CYP2C18: variants seen among roughly 807,000 people sequenced by gnomAD.
The protein encoded by CYP2C18 is cytochrome P450 2C18.
Under a neutral mutation model 41.3 loss-of-function variants are expected in CYP2C18, and 38 were observed. The observed-to-expected ratio is 0.92, with a 90% CI of 0.71 to 1.21. The LOEUF is 1.21. Ranked by LOEUF, CYP2C18 falls within the 50% of genes most tolerant of loss-of-function variation. CYP2C18 has a pLI of 0.00. For missense variants in CYP2C18, 635 were observed against 591.4 expected (o/e 1.07, Z -0.77); for synonymous variants, 236 against 210.0 (o/e 1.12, Z -1.07).
At chr10:94,728,013 C>G (rs1404413467) in intron 7 of CYP2C18, among the ~76,000 whole-genome samples, 1 of 152,042 alleles carries the variant, frequency 6.6e-6, no homozygotes, top group African/African-American at 2.4e-5. Context: ...CTACATTTTC[C>G]CAGTTATACT....
chr10:94,724,184 T>G lies in CYP2C18; in HGVS notation c.962-162T>G, dbSNP rs1847693274. 1.3e-5 allele frequency among the ~76,000 whole-genome samples: 2 copies of G among 151,886 alleles called. 1 individual carries two copies. The highest frequency in any genetic ancestry group is 4.1e-4 in the South Asian group (2 of 4,820). On this transcript the variant is annotated intron_variant, in intron 6 of 8. Transcript: ENST00000285979. ...TTAGCTTGTAGGAGAGTTGGATGTA[T>G]CTATAATGTAGTAATTTCTTCCCTA...
At position 94,688,296 on chromosome 10, in the gene CYP2C18, T is replaced by C. The variant is rs190100615; in HGVS notation, c.481+22T>C. The C allele has an allele frequency of 1.2e-4, 195 of 1,577,698 alleles. No individual in the cohort carries two copies. In the African/African-American group the frequency reaches 2.3e-3, roughly 18 times the overall value. ...AATGGTGGGTGACTTTTTTTTTTCC[T>C]GAAAAATGTTTTCTAAAATTTATTT... is the stretch of plus-strand genomic sequence containing the variant. On this transcript the variant is annotated intron_variant, in intron 3 of 8. Coordinates refer to ENST00000285979, the MANE Select transcript of CYP2C18 (RefSeq NM_000772.3).
Position 94,695,094 on chromosome 10 carries a change from C to T in CYP2C18, c.642+17C>T, listed in dbSNP as rs1469764171. 2 of 1,584,582 alleles carry T rather than the reference C, an allele frequency of 1.3e-6. No individual in the cohort carries two copies. The highest frequency in any genetic ancestry group is 1.9e-5 in the Admixed American group (1 of 51,662). On this transcript the variant is annotated intron_variant, in intron 4 of 8. Transcript: ENST00000285979. Reference sequence around the variant, plus strand: ...TGGATCCAGGTGAGATCAAGAGCTTCTCTTCCTGAGATATTATTTTTGTTA... The same window carrying T: ...TGGATCCAGGTGAGATCAAGAGCTTTTCTTCCTGAGATATTATTTTTGTTA...
intron 1 of CYP2C18, among the ~76,000 whole-genome samples, chr10:94,684,710 A>T (rs1323106897): frequency 6.6e-6 from 1 of 152,140 alleles, no homozygotes; most frequent in Non-Finnish European, 1.5e-5. Flanking sequence ...CTTTGGGTAT[A>T]TACTGGTAGT....
At chr10:94,715,916 G>T (rs1210001925) in intron 5 of CYP2C18, among the ~76,000 whole-genome samples, 1 of 152,150 alleles carries the variant, frequency 6.6e-6, no homozygotes, top group Non-Finnish European at 1.5e-5. Flanking sequence ...TCTTGGGAGA[G>T]TGTATGTGTC....
At chr10:94,696,286 C>T (rs957128822) in intron 4 of CYP2C18, among the ~76,000 whole-genome samples, 1 of 152,164 alleles carries the variant, frequency 6.6e-6, no homozygotes, top group East Asian at 1.9e-4. Flanking sequence ...GACAAAACTT[C>T]CAGAGGAACG....
intron 4 of CYP2C18, among the ~76,000 whole-genome samples, chr10:94,706,535 A>C (rs371709903): frequency 4.6e-5 from 7 of 152,328 alleles, no homozygotes; most frequent in African/African-American, 1.7e-4. Context: ...AATTGACATG[A>C]AGCTATTTTA....
At chr10:94,685,228 C>T (rs971681019) in intron 1 of CYP2C18, among the ~76,000 whole-genome samples, 28 of 152,060 alleles carry the variant, frequency 1.8e-4, no homozygotes, top group African/African-American at 6.7e-4. Context: ...GAGATGTGGT[C>T]TCATTATGTT....
In CYP2C18 at chr10:94,735,654, T is replaced by G; in HGVS notation, c.*210T>G. On this transcript the variant is annotated 3_prime_UTR_variant, in exon 9 of 9. Transcript: ENST00000285979. ...TAAATATATCTGCTATTCTCCATACTCTGTATCACTTGTATTGACCACCAC... is the reference window on the plus strand; with the variant it reads ...TAAATATATCTGCTATTCTCCATACGCTGTATCACTTGTATTGACCACCAC... The G allele has an allele frequency of 1.7e-6, 1 of 585,580 alleles. No individual in the cohort carries two copies. Among genetic ancestry groups the G allele is most frequent in the Non-Finnish European group, 3.0e-6 (1 of 329,046 alleles). The allele number at this position is 585,580 out of a possible 1,614,324, so 36.3% of individuals were successfully genotyped here.
chr10:94,735,657 G>T lies in CYP2C18; in HGVS notation c.*213G>T. The T allele has an allele frequency of 1.7e-6, 1 of 575,422 alleles. No individual in the cohort carries two copies. 35.6% of individuals were successfully genotyped at this position (575,422 alleles called of 1,614,324 possible). A position where few individuals can be genotyped will look rare whatever the true frequency, so the allele number is the denominator to read the frequency against. ...ATATATCTGCTATTCTCCATACTCT[G>T]TATCACTTGTATTGACCACCACATA... On this transcript the variant is annotated 3_prime_UTR_variant, in exon 9 of 9. Coordinates refer to ENST00000285979, the MANE Select transcript of CYP2C18 (RefSeq NM_000772.3).
At chr10:94,724,569 C>T in intron 7 of CYP2C18, 36 bp downstream of exon 7, 2 of 1,567,370 alleles carry the variant, frequency 1.3e-6, no homozygotes, top group East Asian at 2.2e-5. Context: ...TCTCCATGCT[C>T]TTCAAGTCCC....
chr10:94,713,356 C>T (rs558758878), intron 5 of CYP2C18, among the ~76,000 whole-genome samples: 2 of 151,700 alleles, frequency 1.3e-5, no homozygotes, highest in Non-Finnish European at 2.9e-5. Context: ...AATAGTCCCC[C>T]GTGTGTGATG....
At chr10:94,690,033 G>C (rs898398265) in intron 3 of CYP2C18, among the ~76,000 whole-genome samples, 1 of 152,038 alleles carries the variant, frequency 6.6e-6, no homozygotes, top group Non-Finnish European at 1.5e-5. Context: ...ACCAACCCTG[G>C]TACTTCCCCA....
At chr10:94,699,951 G>C (rs1217424085) in intron 4 of CYP2C18, among the ~76,000 whole-genome samples, 6 of 152,120 alleles carry the variant, frequency 3.9e-5, no homozygotes, top group East Asian at 3.9e-4. Context: ...AGGAGAACCA[G>C]AAACCACTCC....
Position 94,683,968 on chromosome 10 carries a change from T to C in CYP2C18, c.149T>C (p.Met50Thr). 1 of 1,607,696 alleles carries C rather than the reference T, an allele frequency of 6.2e-7. No homozygotes were observed. Among genetic ancestry groups the C allele is most frequent in the South Asian group, 1.1e-5 (1 of 89,246 alleles). ...GNILQLDVKD[M>T]SKSLTNFSKV... ...ATCCTGCAGTTAGATGTTAAGGACA[T>C]GAGCAAATCCTTAACCAATGTAAGT... Residue 50 changes from methionine (M) to threonine (T), a missense_variant, in exon 1 of 9, where the codon ATG (methionine) becomes ACG (threonine). By Grantham distance (81) the Met-to-Thr change is moderately conservative (BLOSUM62 -1). Coordinates refer to ENST00000285979, the MANE Select transcript of CYP2C18 (RefSeq NM_000772.3).
intron 1 of CYP2C18, among the ~76,000 whole-genome samples, chr10:94,686,587 T>C (rs2134173313): frequency 6.6e-6 from 1 of 152,326 alleles, no homozygotes; most frequent in East Asian, 1.9e-4. Context: ...TAGAAACTTC[T>C]GTATTACTGG....
At chr10:94,716,305 C>T (rs1847541638) in intron 5 of CYP2C18, among the ~76,000 whole-genome samples, 1 of 152,138 alleles carries the variant, frequency 6.6e-6, no homozygotes, top group African/African-American at 2.4e-5. Flanking sequence ...TTCCTCCTTT[C>T]TCTTGTGGGC....
chr10:94,719,582 ATT>A, intron 5 of CYP2C18, among the ~76,000 whole-genome samples: 1 of 143,792 alleles, frequency 7.0e-6, no homozygotes, highest in African/African-American at 2.5e-5. Flanking sequence ...TTTGATTTTT[ATT>A]TTTTTTTTTG....
chr10:94,728,127 A>G (rs913082563), intron 7 of CYP2C18, among the ~76,000 whole-genome samples: 1 of 151,986 alleles, frequency 6.6e-6, no homozygotes, highest in Non-Finnish European at 1.5e-5. Flanking sequence ...TTCATCACGA[A>G]CAGTTTTTTT....
Sources: gnomAD v4.1 joint callset for allele counts (sites outside exome capture counted in the v4.1 genomes callset) on GRCh38, gnomAD v4.1.1 for gene constraint, MANE v1.5 for transcripts, NCBI Gene and HGNC (gene_info 2026-07-23, HGNC 2026-07-21) for gene names.